Variants in GJC1 observed in about 807,000 individuals in gnomAD.
The protein encoded by GJC1 is gap junction gamma-1 protein.
In GJC1, 5 loss-of-function variants were observed where a neutral mutation model predicts 29.3. The observed-to-expected ratio is 0.17, with a 90% CI of 0.09 to 0.36. The LOEUF (loss-of-function observed/expected upper bound fraction) is 0.36, where lower values mean the gene tolerates loss of function less well. Among genes scored for constraint, GJC1 ranks in the 10% least tolerant of loss-of-function variants. The pLI, the probability that GJC1 is intolerant of heterozygous loss-of-function variation, is 1.00. For synonymous variants in GJC1, 177 were observed against 183.3 expected (o/e 0.97, Z 0.28); for missense variants, 310 against 496.2 (o/e 0.62, Z 3.56).
Position 44,804,363 on chromosome 17 carries a change from A to G in GJC1, c.*264T>C, listed in dbSNP as rs1233010041. 1 of 412,938 alleles carries G rather than the reference A, an allele frequency of 2.4e-6. No homozygotes were observed. The highest frequency in any genetic ancestry group is 6.4e-4 in the Middle Eastern group (1 of 1,570). 25.6% of individuals were successfully genotyped at this position (412,938 alleles called of 1,614,324 possible). A position where few individuals can be genotyped will look rare whatever the true frequency, so the allele number is the denominator to read the frequency against. On this transcript the variant is annotated 3_prime_UTR_variant, in exon 3 of 3. Coordinates refer to ENST00000592524, the MANE Select transcript of GJC1 (RefSeq NM_005497.4). ...ACTGTTCAACAAGAATGATTTAAAT[A>G]TGTCTGTTCTTCTCCAGATCTGGAA... is the stretch of plus-strand genomic sequence containing the variant.
chr17:44,822,308 C>T (rs1050129127), intron 1 of GJC1, among the ~76,000 whole-genome samples: 2 of 149,192 alleles, frequency 1.3e-5, no homozygotes, highest in African/African-American at 2.5e-5. Context: ...TAACTGCTAA[C>T]GGGTATCAGG....
At chr17:44,814,606 G>C (rs1438789457) in intron 1 of GJC1, among the ~76,000 whole-genome samples, 2 of 152,106 alleles carry the variant, frequency 1.3e-5, no homozygotes, top group Non-Finnish European at 2.9e-5. Context: ...CAGTGCACAT[G>C]TGAGGAAATG....
At position 44,805,329 on chromosome 17, in the gene GJC1, A is replaced by G. The variant is rs2049900849; in HGVS notation, c.489T>C (p.Asp163=). Residue 163 remains aspartate (D), a synonymous_variant, in exon 3 of 3, where the codon GAT becomes GAC. Coordinates refer to ENST00000592524, the MANE Select transcript of GJC1 (RefSeq NM_005497.4). The surrounding 1 kb of genome is among the most constrained non-coding windows in gnomAD (Gnocchi z 5.1). The part of the protein sequence containing the change: ...KEQSQPKPKH[D]GRRRIREDGL... ...CATCTTCCCGAATCCGTCGTCGGCC[A>G]TCATGCTTAGGTTTGGGTTGGCTCT... is the stretch of plus-strand genomic sequence containing the variant. 1.2e-6 allele frequency: 2 copies of G among 1,614,198 alleles called. No individual in the cohort carries two copies. Among genetic ancestry groups the G allele is most frequent in the African/African-American group, 2.7e-5 (2 of 75,054 alleles).
chr17:44,820,337 G>A (rs1430917870), intron 1 of GJC1, among the ~76,000 whole-genome samples: 1 of 152,116 alleles, frequency 6.6e-6, no homozygotes, highest in Non-Finnish European at 1.5e-5. Flanking sequence ...TCTAATCCCA[G>A]AATATAATCC....
At chr17:44,815,338 T>TAATA (rs769077196) in intron 1 of GJC1, among the ~76,000 whole-genome samples, 2 of 152,116 alleles carry the variant, frequency 1.3e-5, no homozygotes, top group Non-Finnish European at 2.9e-5. Context: ...TATATGTACT[T>TAATA]TTATACTTAA....
chr17:44,816,376 C>T (rs1226312133), intron 1 of GJC1, among the ~76,000 whole-genome samples: 1 of 152,126 alleles, frequency 6.6e-6, no homozygotes, highest in Non-Finnish European at 1.5e-5. Context: ...AATTAGCTGG[C>T]ATCAACATGG....
Position 44,805,470 on chromosome 17 carries a change from G to T in GJC1, c.348C>A (p.Pro116=). 6.2e-7 allele frequency: 1 copy of T among 1,614,114 alleles called. No individual in the cohort carries two copies. Among genetic ancestry groups the T allele is most frequent in the Non-Finnish European group, 8.5e-7 (1 of 1,180,010 alleles). Residue 116 remains proline (P), a synonymous_variant, in exon 3 of 3, where the codon CCC becomes CCA. Transcript: ENST00000592524. This position sits in a 1 kb window ranked among gnomAD's most constrained non-coding sequence, Gnocchi z 5.1. ...EADKKAARSK[P]YAMRWKQHRA... ...GGTGTTGTTTCCAGCGCATTGCATA[G>T]GGCTTGCTCCGAGCTGCCTTCTTGT... is the stretch of plus-strand genomic sequence containing the variant.
At chr17:44,795,515 G>A (rs1416764293), downstream of GJC1, among the ~76,000 whole-genome samples, 1 of 152,178 alleles carries the variant, frequency 6.6e-6, no homozygotes, top group Non-Finnish European at 1.5e-5. Flanking sequence ...TTACTGGCGC[G>A]AGCCACCCCT....
chr17:44,810,061 A>G (rs548083907), intron 1 of GJC1, among the ~76,000 whole-genome samples: 3 of 145,476 alleles, frequency 2.1e-5, no homozygotes, highest in South Asian at 2.1e-4. Context: ...ACTGGGTTTC[A>G]CCATGTTAGC....
downstream of GJC1, chr17:44,794,682 C>T (rs1409286520): frequency 2.6e-5 from 4 of 152,334 alleles, no homozygotes; most frequent in East Asian, 5.8e-4. Context: ...TCCCCATGGT[C>T]GGGTCCCATT....
At chr17:44,817,844 A>ATAATTCC (rs2050060969) in intron 1 of GJC1, among the ~76,000 whole-genome samples, 3 of 152,090 alleles carry the variant, frequency 2.0e-5, no homozygotes, top group Admixed American at 6.6e-5. Context: ...GCTAGTAAAG[A>ATAATTCC]ATTACATTAC....
chr17:44,798,138 T>C (rs1249335158), downstream of GJC1, among the ~76,000 whole-genome samples: 2 of 152,186 alleles, frequency 1.3e-5, no homozygotes, highest in African/African-American at 4.8e-5. Flanking sequence ...ATTCCCCAGA[T>C]TGCGACGCCA....
At chr17:44,828,531 T>C (rs985474014) in intron 1 of GJC1, among the ~76,000 whole-genome samples, 1 of 152,240 alleles carries the variant, frequency 6.6e-6, no homozygotes, top group African/African-American at 2.4e-5. Flanking sequence ...CTCTTCAATA[T>C]GCCCTTTGCC....
chr17:44,826,894 C>T lies in GJC1; in HGVS notation c.-97+3168G>A, dbSNP rs1206726943. ...TCAGCTGTAGCAGTATGTTGAAAAA[C>T]AACTGTTGCCATTCAGCTGATATTA... On this transcript the variant is annotated intron_variant, in intron 1 of 2. Transcript: ENST00000592524. Among the ~76,000 whole-genome samples, 4 of 152,160 alleles carry T rather than the reference C, an allele frequency of 2.6e-5. No individual in the cohort carries two copies. The East Asian group carries it at 5.8e-4, about 22-fold the overall frequency.
chr17:44,794,596 GAT>G (rs1007572353), downstream of GJC1: 3 of 152,196 alleles, frequency 2.0e-5, no homozygotes, highest in Non-Finnish European at 4.4e-5. Flanking sequence ...CCAGCACAAA[GAT>G]AAAATTACAC....
chr17:44,823,027 G>A (rs570374262), intron 1 of GJC1, among the ~76,000 whole-genome samples: 2 of 152,148 alleles, frequency 1.3e-5, no homozygotes. Flanking sequence ...TAATTTGAAC[G>A]TTCCCAAAAG....
Position 44,812,666 on chromosome 17 carries a change from T to C in GJC1, c.-96-5197A>G, listed in dbSNP as rs114363906. ...TAAAAATGAACTTTTTTTTTTTTAATTGAGACAGAGTCTCACTGTCGCCCA... is the reference window on the plus strand; with the variant it reads ...TAAAAATGAACTTTTTTTTTTTTAACTGAGACAGAGTCTCACTGTCGCCCA... On this transcript the variant is annotated intron_variant, in intron 1 of 2. Transcript: ENST00000592524. Among the ~76,000 whole-genome samples, 371 of 152,120 alleles carry C rather than the reference T, an allele frequency of 2.4e-3. 2 individuals carry two copies. Among genetic ancestry groups the C allele is most frequent in the African/African-American group, 8.2e-3 (341 of 41,514 alleles).
At chr17:44,809,800 C>T (rs2049953464) in intron 1 of GJC1, among the ~76,000 whole-genome samples, 2 of 152,090 alleles carry the variant, frequency 1.3e-5, no homozygotes, top group African/African-American at 4.8e-5. Context: ...CTCCTGACCT[C>T]AGGTGATCCG....
intron 1 of GJC1, chr17:44,829,427 T>C (rs1393033640): frequency 6.6e-6 from 1 of 152,192 alleles, no homozygotes; most frequent in Non-Finnish European, 1.5e-5. Context: ...GGAAAAGTCA[T>C]TTTAAGTAAA....
Sources: gnomAD v4.1 joint callset for allele counts (sites outside exome capture counted in the v4.1 genomes callset) on GRCh38, gnomAD v4.1.1 for gene constraint, Gnocchi (gnomAD v3.1) non-coding constraint, MANE v1.5 for transcripts, NCBI Gene and HGNC (gene_info 2026-07-23, HGNC 2026-07-21) for gene names.